TP63: variants seen among roughly 807,000 people sequenced by gnomAD.
TP63 encodes tumor protein p63.
Under a neutral mutation model 82.8 loss-of-function variants are expected in TP63, and 17 were observed. The ratio of observed to expected loss-of-function variants is 0.21; its 90% CI spans 0.14 to 0.31. The LOEUF (loss-of-function observed/expected upper bound fraction) is 0.31. Ranked by LOEUF, TP63 falls within the 10% of genes least tolerant of loss-of-function variation. The probability of loss-of-function intolerance (pLI) is 1.00; values close to 1 mark genes in which losing one functional copy is unlikely to be tolerated. For synonymous variants in TP63, 330 were observed against 321.7 expected (o/e 1.03, Z -0.28); for missense variants, 648 against 895.3 (o/e 0.72, Z 3.52).
the TP63 span, among the ~76,000 whole-genome samples, chr3:189,608,783 T>C: frequency 6.6e-6 from 1 of 152,096 alleles, no homozygotes; most frequent in Non-Finnish European, 1.5e-5. Context: ...TTCTCAGGAT[T>C]ACAATTAATA....
intron 1 of TP63, among the ~76,000 whole-genome samples, chr3:189,665,306 C>T (rs1457671102): frequency 1.3e-5 from 2 of 152,082 alleles, no homozygotes; most frequent in African/African-American, 4.8e-5. Flanking sequence ...AAACATGTGT[C>T]AGCATGCCAC....
intron 12 of TP63, among the ~76,000 whole-genome samples, chr3:189,890,056 A>G (rs1423422800): frequency 6.6e-6 from 1 of 152,192 alleles, no homozygotes; most frequent in Admixed American, 6.5e-5. Context: ...AGCCTGAAAG[A>G]TTTGCTTCCC....
intron 3 of TP63, among the ~76,000 whole-genome samples, chr3:189,771,572 T>C (rs1461247462): frequency 6.7e-6 from 1 of 149,602 alleles, no homozygotes; most frequent in Non-Finnish European, 1.5e-5. Flanking sequence ...TTGAAGATAC[T>C]CTCATTTTCT....
intron 13 of TP63, among the ~76,000 whole-genome samples, chr3:189,891,420 T>C (rs1389687832): frequency 2.6e-5 from 4 of 152,218 alleles, no homozygotes; most frequent in African/African-American, 4.8e-5. Flanking sequence ...TTAAGGGAGA[T>C]TCAGCCGTTC....
chr3:189,751,687 T>A (rs1311000714), intron 3 of TP63, among the ~76,000 whole-genome samples: 1 of 152,188 alleles, frequency 6.6e-6, no homozygotes, highest in Non-Finnish European at 1.5e-5. Flanking sequence ...TTCTTGTAAA[T>A]TTGTTTGAGT....
At chr3:189,730,198 G>A (rs1720061124) in intron 1 of TP63, among the ~76,000 whole-genome samples, 1 of 152,138 alleles carries the variant, frequency 6.6e-6, no homozygotes, top group Non-Finnish European at 1.5e-5. Flanking sequence ...CAGAGTCTTT[G>A]AGGGCTCAAG....
chr3:189,854,620 A>G (rs971151059), intron 4 of TP63, among the ~76,000 whole-genome samples: 1 of 152,256 alleles, frequency 6.6e-6, no homozygotes, highest in Non-Finnish European at 1.5e-5. Context: ...GCAGAATTTT[A>G]TAATAATTTT....
chr3:189,636,493 T>G (rs1195174449), intron 1 of TP63, among the ~76,000 whole-genome samples: 1 of 152,160 alleles, frequency 6.6e-6, no homozygotes, highest in Non-Finnish European at 1.5e-5. Flanking sequence ...CACTTAACAT[T>G]ACTGATAGGT....
At chr3:189,676,019 T>A (rs1441954928) in intron 1 of TP63, among the ~76,000 whole-genome samples, 1 of 152,098 alleles carries the variant, frequency 6.6e-6, no homozygotes, top group East Asian at 1.9e-4. Context: ...TTCAGCTTTA[T>A]TGTGATATAA....
intron 3 of TP63, among the ~76,000 whole-genome samples, chr3:189,780,857 C>A (rs1724177485): frequency 6.6e-6 from 1 of 152,154 alleles, no homozygotes; most frequent in Non-Finnish European, 1.5e-5. Context: ...TATCCTGGGT[C>A]CAGCTAAGGT....
chr3:189,815,253 C>T (rs997905082), intron 4 of TP63, among the ~76,000 whole-genome samples: 2 of 151,970 alleles, frequency 1.3e-5, no homozygotes, highest in African/African-American at 2.4e-5. Flanking sequence ...TATCAATCAC[C>T]GTGGAAATTT....
chr3:189,745,478 G>C (rs1281052279), intron 3 of TP63, among the ~76,000 whole-genome samples: 1 of 151,904 alleles, frequency 6.6e-6, no homozygotes, highest in African/African-American at 2.4e-5. Flanking sequence ...GGAGGCTGAG[G>C]CGGGCAGATC....
At chr3:189,718,421 G>A (rs1341570549) in intron 1 of TP63, among the ~76,000 whole-genome samples, 1 of 150,758 alleles carries the variant, frequency 6.6e-6, no homozygotes, top group Non-Finnish European at 1.5e-5. Flanking sequence ...GAAGGAAGGC[G>A]TGTTTTGCAG....
Position 189,895,882 on chromosome 3 carries a change from T to C in TP63, c.*1380T>C, listed in dbSNP as rs1721428104. The C allele has an allele frequency of 8.9e-6, 2 of 225,406 alleles. No individual in the cohort carries two copies. Among genetic ancestry groups the C allele is most frequent in the Admixed American group, 5.7e-5 (1 of 17,548 alleles). 14.0% of individuals were successfully genotyped at this position (225,406 alleles called of 1,614,324 possible). A position where few individuals can be genotyped will look rare whatever the true frequency, so the allele number is the denominator to read the frequency against. Reference sequence around the variant, plus strand: ...CTGTATCATTTTCTTTTTTAACCGGTAAGAGTTTCAGTTTGTTGGAAAGTA... The same window carrying C: ...CTGTATCATTTTCTTTTTTAACCGGCAAGAGTTTCAGTTTGTTGGAAAGTA... On this transcript the variant is annotated 3_prime_UTR_variant, in exon 14 of 14. Transcript: ENST00000264731.
At chr3:189,744,879 C>G (rs1404601709) in intron 3 of TP63, among the ~76,000 whole-genome samples, 1 of 152,200 alleles carries the variant, frequency 6.6e-6, no homozygotes, top group Non-Finnish European at 1.5e-5. Context: ...CAGGCACACT[C>G]AGCCCACTAC....
At chr3:189,781,040 T>C (rs1366543434) in intron 3 of TP63, among the ~76,000 whole-genome samples, 3 of 152,118 alleles carry the variant, frequency 2.0e-5, no homozygotes, top group Admixed American at 1.3e-4. Context: ...TCCGAGAACG[T>C]CAGGCCCAGA....
At chr3:189,646,288 G>A (rs1189254920) in intron 1 of TP63, among the ~76,000 whole-genome samples, 2 of 147,002 alleles carry the variant, frequency 1.4e-5, no homozygotes, top group Non-Finnish European at 3.0e-5. Flanking sequence ...GGGAGGGGTT[G>A]TCTTGTTAAT....
chr3:189,693,306 C>G (rs140873374), intron 1 of TP63, among the ~76,000 whole-genome samples: 330 of 152,316 alleles, frequency 2.2e-3, no homozygotes, highest in African/African-American at 7.7e-3. Flanking sequence ...TGAAGGTTAG[C>G]TACTCTTCCC....
chr3:189,740,418 T>C (rs555825894), intron 3 of TP63, among the ~76,000 whole-genome samples: 1 of 152,184 alleles, frequency 6.6e-6, no homozygotes, highest in Non-Finnish European at 1.5e-5. Flanking sequence ...TCATAAAAGT[T>C]GGCAAAAAGT....
Sources: gnomAD v4.1 joint callset for allele counts (sites outside exome capture counted in the v4.1 genomes callset) on GRCh38, gnomAD v4.1.1 for gene constraint, MANE v1.5 for transcripts, NCBI Gene and HGNC (gene_info 2026-07-23, HGNC 2026-07-21) for gene names.